The following SLIT2 variants were observed in gnomAD, a reference collection of about 807,000 sequenced individuals.
SLIT2 encodes slit guidance ligand 2.
In SLIT2, 41 loss-of-function variants were observed where a neutral mutation model predicts 185.7. The ratio of observed to expected loss-of-function variants is 0.22; its 90% confidence interval spans 0.17 to 0.29. SLIT2 has a LOEUF of 0.29. SLIT2 is among the 10% of genes least tolerant of loss of function. The pLI, the probability that SLIT2 is intolerant of heterozygous loss-of-function variation, is 1.00. For synonymous variants in SLIT2, 693 were observed against 680.2 expected, an observed-to-expected ratio of 1.02 and a Z score of -0.29; for missense variants, 1,571 against 1,909.0, an observed-to-expected ratio of 0.82 and a Z score of 3.30.
At chr4:20,465,781 A>C (rs1476754359) in intron 4 of SLIT2, among the ~76,000 whole-genome samples, 1 of 152,142 alleles carries the variant, frequency 6.6e-6, no homozygotes. Context: ...CTTTCCGCCC[A>C]GCCCACTCTA....
chr4:20,253,775 A>C lies in SLIT2; in HGVS notation c.-41A>C, dbSNP rs372695267. On this transcript the variant is annotated 5_prime_UTR_variant, in exon 1 of 37. Transcript: ENST00000504154. ...GTTCCCTCGGAGCAGCAAGCTAAAG[A>C]AAGCCCCCAGTGCCGGCGAGGAAGG... is the stretch of plus-strand genomic sequence containing the variant. 6.3e-7 allele frequency: 1 copy of C among 1,590,426 alleles called. No homozygotes were observed. Among genetic ancestry groups the C allele is most frequent in the Non-Finnish European group, 8.5e-7 (1 of 1,174,912 alleles).
intron 6 of SLIT2, among the ~76,000 whole-genome samples, chr4:20,482,335 A>T (rs1009860185): frequency 6.6e-6 from 1 of 152,032 alleles, no homozygotes; most frequent in Non-Finnish European, 1.5e-5. Flanking sequence ...GTAGTTCTTC[A>T]CTGTATTTAT....
intron 4 of SLIT2, among the ~76,000 whole-genome samples, chr4:20,366,283 T>C (rs1016821982): frequency 2.0e-5 from 3 of 152,150 alleles, no homozygotes; most frequent in Non-Finnish European, 4.4e-5. Flanking sequence ...GTACAATGTA[T>C]AAATGATAGG....
chr4:20,401,263 A>C (rs1423875584), intron 4 of SLIT2, among the ~76,000 whole-genome samples: 4 of 151,904 alleles, frequency 2.6e-5, no homozygotes, highest in Admixed American at 2.6e-4. Flanking sequence ...TTGTCTCTCC[A>C]TTCAGTTCTT....
chr4:20,307,890 C>G (rs1717735618), intron 4 of SLIT2, among the ~76,000 whole-genome samples: 2 of 152,128 alleles, frequency 1.3e-5, no homozygotes, highest in Non-Finnish European at 2.9e-5. Flanking sequence ...GTCCCCTGAC[C>G]ACCTCCAAAG....
chr4:20,518,449 T>G (rs1217318338), intron 11 of SLIT2, among the ~76,000 whole-genome samples: 2 of 137,792 alleles, frequency 1.5e-5, no homozygotes, highest in Non-Finnish European at 3.1e-5. Flanking sequence ...AGATGGGGTT[T>G]CACTGTGTTA....
chr4:20,543,442 A>G (rs534417315), intron 21 of SLIT2, among the ~76,000 whole-genome samples: 8 of 152,246 alleles, frequency 5.3e-5, no homozygotes, highest in Non-Finnish European at 1.2e-4. Context: ...AAACTGTCAT[A>G]TTCTGGATAT....
chr4:20,472,629 T>TATATATATCGATATATATCGATATATCG (rs1715662576), intron 5 of SLIT2, among the ~76,000 whole-genome samples: 1 of 15,770 alleles, frequency 6.3e-5, no homozygotes, highest in Non-Finnish European at 1.3e-4. Context: ...TCGATATATC[T>TATATATATCGATATATATCGATATATCG]ATATATATCG....
intron 6 of SLIT2, among the ~76,000 whole-genome samples, chr4:20,485,837 C>A (rs76784508): frequency 0.013 from 1,991 of 152,216 alleles, 28 homozygotes; most frequent in South Asian, 0.073. Context: ...CACATAATGC[C>A]ACTCTACGGA....
At chr4:20,391,481 T>C (rs976610417) in intron 4 of SLIT2, among the ~76,000 whole-genome samples, 1 of 152,152 alleles carries the variant, frequency 6.6e-6, no homozygotes, top group Admixed American at 6.6e-5. Context: ...AGAAGCTGAC[T>C]ATATTGTTCA....
chr4:20,402,806 A>T lies in SLIT2; in HGVS notation c.396-64946A>T, dbSNP rs1034432841. ...TTTGAATTTTTTAATAAAGAATTTT[A>T]CTTTTTTAGTATTAAACAACAAAAT... is the stretch of plus-strand genomic sequence containing the variant. On this transcript the variant is annotated intron_variant, in intron 4 of 36. Coordinates refer to ENST00000504154, the MANE Select transcript of SLIT2 (RefSeq NM_004787.4). 7.2e-5 allele frequency among the ~76,000 whole-genome samples: 11 copies of T among 151,956 alleles called. No individual in the cohort carries two copies. In the South Asian group the frequency reaches 2.3e-3, roughly 31 times the overall value.
intron 26 of SLIT2, among the ~76,000 whole-genome samples, chr4:20,560,170 G>A (rs1471561970): frequency 1.3e-5 from 2 of 151,796 alleles, no homozygotes; most frequent in Admixed American, 6.6e-5. Context: ...TGAAAATTAT[G>A]TAAGTACAAA....
At chr4:20,466,552 G>A (rs1277893815) in intron 4 of SLIT2, among the ~76,000 whole-genome samples, 5 of 152,074 alleles carry the variant, frequency 3.3e-5, no homozygotes, top group South Asian at 4.2e-4. Flanking sequence ...GCAATTCTTC[G>A]TTGCTTAAAA....
At chr4:20,351,734 G>A (rs778436197) in intron 4 of SLIT2, among the ~76,000 whole-genome samples, 3 of 152,136 alleles carry the variant, frequency 2.0e-5, no homozygotes, top group Non-Finnish European at 4.4e-5. Context: ...AAGGCCCTGG[G>A]CTTTGTCCCT....
chr4:20,293,061 AG>A (rs1560290405), intron 4 of SLIT2, among the ~76,000 whole-genome samples: 1 of 152,126 alleles, frequency 6.6e-6, no homozygotes, highest in Non-Finnish European at 1.5e-5. Flanking sequence ...GTATAGAAAG[AG>A]GGGGGAAAAA....
At chr4:20,581,374 G>A (rs1021715767) in intron 29 of SLIT2, among the ~76,000 whole-genome samples, 2 of 152,048 alleles carry the variant, frequency 1.3e-5, no homozygotes, top group African/African-American at 4.8e-5. Flanking sequence ...GTCACAACCT[G>A]GGGTACTAGA....
intron 4 of SLIT2, among the ~76,000 whole-genome samples, chr4:20,447,992 A>G (rs949874800): frequency 7.9e-5 from 12 of 152,306 alleles, no homozygotes; most frequent in Middle Eastern, 3.4e-3. Context: ...AAGAGAAAAG[A>G]TTGGTTAAAA....
intron 4 of SLIT2, among the ~76,000 whole-genome samples, chr4:20,389,165 G>T (rs1170463249): frequency 2.0e-5 from 3 of 150,984 alleles, no homozygotes; most frequent in Admixed American, 2.0e-4. Flanking sequence ...ATTTCTTTCA[G>T]TTTATAACTG....
In SLIT2 at chr4:20,252,216, C is replaced by G. The variant is rs1016014692; in HGVS notation, c.-1600C>G. On this transcript the variant is annotated 5_prime_UTR_variant, in exon 1 of 37. Transcript: ENST00000504154. ...CAGCCCCAGCGAACAACTCCAGTTACGACAACAACCCACCTTCCTTCCAGA... is the reference window on the plus strand; with the variant it reads ...CAGCCCCAGCGAACAACTCCAGTTAGGACAACAACCCACCTTCCTTCCAGA... 3.3e-5 allele frequency among the ~76,000 whole-genome samples: 5 copies of G among 152,076 alleles called. No individual in the cohort carries two copies. Among genetic ancestry groups the G allele is most frequent in the Admixed American group, 6.5e-5 (1 of 15,284 alleles).
Sources: allele counts gnomAD v4.1 joint callset (sites outside exome capture counted in the v4.1 genomes callset), GRCh38; gene constraint gnomAD v4.1.1; transcripts MANE v1.5; gene names NCBI Gene and HGNC (gene_info 2026-07-23, HGNC 2026-07-21).